The following TANC1 variants were observed in gnomAD, a reference collection of about 807,000 sequenced individuals.
TANC1 encodes the protein protein TANC1.
TANC1 carries 77 observed loss-of-function variants against 149.7 expected under a neutral mutation model. That is an observed-to-expected ratio of 0.51 (90% CI 0.43 to 0.62). TANC1 has a LOEUF of 0.62. Ranked by LOEUF, TANC1 falls within the 20% of genes least tolerant of loss-of-function variation. TANC1 has a pLI of 0.00. For missense variants in TANC1, 1,985 were observed against 2,321.8 expected (o/e 0.85, Z 2.98); for synonymous variants, 854 against 925.0 (o/e 0.92, Z 1.39).
chr2:159,007,150 T>TG (rs1268500777), intron 2 of TANC1, among the ~76,000 whole-genome samples: 4 of 145,556 alleles, frequency 2.7e-5, no homozygotes, highest in Non-Finnish European at 6.0e-5. Flanking sequence ...TTTTTTTTTT[T>TG]TTTTTTTTTT....
chr2:159,072,705 A>G (rs1391952515), intron 3 of TANC1, among the ~76,000 whole-genome samples: 1 of 152,166 alleles, frequency 6.6e-6, no homozygotes, highest in Non-Finnish European at 1.5e-5. Flanking sequence ...AACATGGCAC[A>G]TGGATACATA....
intron 2 of TANC1, among the ~76,000 whole-genome samples, chr2:159,014,347 T>G (rs1318431491): frequency 6.6e-6 from 1 of 152,174 alleles, no homozygotes; most frequent in Non-Finnish European, 1.5e-5. Flanking sequence ...TCTGTGAGAC[T>G]TACTCAGTAC....
intron 14 of TANC1, among the ~76,000 whole-genome samples, chr2:159,183,941 A>G (rs2056735535): frequency 6.6e-6 from 1 of 152,126 alleles, no homozygotes; most frequent in Non-Finnish European, 1.5e-5. Context: ...AGCACCTTGC[A>G]TTGTTCCCCC....
At chr2:159,196,229 C>T (rs1024235385) in intron 17 of TANC1, among the ~76,000 whole-genome samples, 1 of 152,188 alleles carries the variant, frequency 6.6e-6, no homozygotes, top group Non-Finnish European at 1.5e-5. Flanking sequence ...TATAGCTTGT[C>T]ACAGCAGACT....
chr2:159,163,202 G>A (rs1261578563), intron 7 of TANC1, 81 bp from the exon 8 acceptor site: 3 of 1,384,292 alleles, frequency 2.2e-6, no homozygotes, highest in Non-Finnish European at 2.0e-6. Flanking sequence ...ATTGATCCTG[G>A]GGAGGGCAGT....
intron 2 of TANC1, among the ~76,000 whole-genome samples, chr2:159,023,985 T>G (rs1006925548): frequency 6.6e-6 from 1 of 151,034 alleles, no homozygotes; most frequent in African/African-American, 2.4e-5. Context: ...AAAAAAAAAT[T>G]GTCAAAAATA....
intron 1 of TANC1, among the ~76,000 whole-genome samples, chr2:158,988,484 G>A (rs1034243774): frequency 4.6e-5 from 7 of 151,978 alleles, no homozygotes; most frequent in Admixed American, 6.6e-5. Context: ...TCATTTTTCC[G>A]ATGTGTGGGA....
chr2:159,230,810 A>C lies in TANC1; in HGVS notation c.5384A>C (p.His1795Pro). The change falls in exon 27 of 27, where the codon CAC (histidine) becomes CCC (proline). Residue 1795 changes from histidine to proline, a missense_variant. Around this residue, in one of 3 missense-constraint regions of TANC1, gnomAD observed 920 missense variants for 994.7 expected, o/e 0.92. Coordinates refer to ENST00000263635, the MANE Select transcript of TANC1 (RefSeq NM_033394.3). This position sits in a 1 kb window ranked among gnomAD's most constrained non-coding sequence, Gnocchi z 4.4. ...GTTTCTACCCTGAGTGCAAGTGTCCACAATGGGGCACAAGTGAAGGAGCTA... is the reference window on the plus strand; with the variant it reads ...GTTTCTACCCTGAGTGCAAGTGTCCCCAATGGGGCACAAGTGAAGGAGCTA... Reference protein sequence around the residue: ...CSVSTLSASVHNGAQVKELEE... With the variant: ...CSVSTLSASVPNGAQVKELEE... 6.2e-7 allele frequency: 1 copy of C among 1,614,208 alleles called. No homozygotes were observed. The highest frequency in any genetic ancestry group is 8.5e-7 in the Non-Finnish European group (1 of 1,180,032).
chr2:159,168,691 C>G (rs1054607104), intron 8 of TANC1, among the ~76,000 whole-genome samples: 1 of 151,834 alleles, frequency 6.6e-6, no homozygotes, highest in Admixed American at 6.6e-5. Flanking sequence ...ATAAAAAACA[C>G]CAAAAAATGC....
At chr2:159,196,519 G>T in intron 17 of TANC1, 89 bp from the exon 18 acceptor site, 1 of 1,114,684 alleles carries the variant, frequency 9.0e-7, no homozygotes, top group Non-Finnish European at 1.3e-6. Context: ...CTTACAGGGA[G>T]TGGGGTTTGC....
intron 25 of TANC1, chr2:159,228,473 G>GCTT (rs1332281728): frequency 3.1e-6 from 1 of 322,216 alleles, no homozygotes; most frequent in African/African-American, 2.1e-5. Flanking sequence ...TGAGCTGCTT[G>GCTT]CTTCTGTGCC....
intron 2 of TANC1, among the ~76,000 whole-genome samples, chr2:159,039,134 G>T (rs1474516298): frequency 6.6e-6 from 1 of 152,082 alleles, no homozygotes; most frequent in Non-Finnish European, 1.5e-5. Context: ...TAGTTTATTT[G>T]CATAGAGGTG....
intron 2 of TANC1, among the ~76,000 whole-genome samples, chr2:159,047,188 T>TCC (rs58004948): frequency 5.3e-4 from 76 of 143,140 alleles, no homozygotes; most frequent in Middle Eastern, 3.6e-3. Context: ...TGAACTCATT[T>TCC]CCCCCCCCCA....
In TANC1 at chr2:159,222,547, A is replaced by G. The variant is rs115686668; in HGVS notation, c.3679-1685A>G. 4.0e-3 allele frequency among the ~76,000 whole-genome samples: 603 copies of G among 152,282 alleles called. 7 individuals carry two copies. Among genetic ancestry groups the G allele is most frequent in the African/African-American group, 0.014 (576 of 41,548 alleles). On this transcript the variant is annotated intron_variant, in intron 22 of 26. Coordinates refer to ENST00000263635, the MANE Select transcript of TANC1 (RefSeq NM_033394.3). The stretch of plus-strand genomic sequence containing the variant: ...TGTTCTCCAGGTTCACCCATGTTGT[A>G]GCGTGTGTTAGAATAGCATTTCCTT...
At chr2:159,228,675 C>T (rs1418084298) in intron 25 of TANC1, 121 bp from the exon 26 acceptor site, 6 of 694,582 alleles carry the variant, frequency 8.6e-6, no homozygotes, top group Non-Finnish European at 1.5e-5. Context: ...ACGGAACTTT[C>T]CCTTCCTCCC....
At chr2:159,146,691 C>T (rs768587389) in intron 5 of TANC1, among the ~76,000 whole-genome samples, 1 of 152,060 alleles carries the variant, frequency 6.6e-6, no homozygotes, top group South Asian at 2.1e-4. Context: ...CAGGCATCTG[C>T]CACTACGCCC....
rs3058724 is a variant in TANC1 at position 159,059,930 on chromosome 2, G to GT, written c.-15-5966_-15-5965insT. On this transcript the variant is annotated intron_variant, in intron 2 of 26. Coordinates refer to ENST00000263635, the MANE Select transcript of TANC1 (RefSeq NM_033394.3). Reference sequence around the variant, plus strand: ...TGTGTGTGTGTGTGTGTGTGTGTGTGGTTTTTTGTTGTTGTTGTTTTTTTT... The same window carrying GT: ...TGTGTGTGTGTGTGTGTGTGTGTGTGTGTTTTTTGTTGTTGTTGTTTTTTTT... Among the ~76,000 whole-genome samples the GT allele has an allele frequency of 3.0e-4, 38 of 125,086 alleles. 1 individual carries two copies. The highest frequency in any genetic ancestry group is 5.1e-4 in the East Asian group (2 of 3,938). The allele number at this position is 125,086 out of a possible 152,430, so 82.1% of individuals were successfully genotyped here.
intron 2 of TANC1, among the ~76,000 whole-genome samples, chr2:159,045,945 G>T (rs2041005273): frequency 6.6e-6 from 1 of 152,212 alleles, no homozygotes; most frequent in Non-Finnish European, 1.5e-5. Flanking sequence ...AGAAATCCAG[G>T]TGGAAATCTG....
At chr2:159,189,108 T>C (rs549161416) in intron 16 of TANC1, among the ~76,000 whole-genome samples, 2 of 152,226 alleles carry the variant, frequency 1.3e-5, no homozygotes, top group Admixed American at 1.3e-4. Flanking sequence ...TCTCAAGTGA[T>C]GAGAAACCTT....
Sources: allele counts gnomAD v4.1 joint callset (sites outside exome capture counted in the v4.1 genomes callset), GRCh38; gene constraint gnomAD v4.1.1; regional missense constraint gnomAD v4.1.1; non-coding constraint Gnocchi (gnomAD v3.1); transcripts MANE v1.5; gene names NCBI Gene and HGNC (gene_info 2026-07-23, HGNC 2026-07-21).